PLEKHM3: variants seen among roughly 807,000 people sequenced by gnomAD.
PLEKHM3 encodes pleckstrin homology domain containing M3.
A neutral mutation model predicts 81.8 loss-of-function variants in PLEKHM3; 45 were observed. The observed-to-expected ratio is 0.55, with a 90% CI of 0.43 to 0.71. PLEKHM3 has a LOEUF of 0.71. PLEKHM3 is among the 30% of genes least tolerant of loss of function. PLEKHM3 has a pLI of 0.00. For synonymous variants in PLEKHM3, 352 were observed against 356.4 expected, an observed-to-expected ratio of 0.99 and a Z score of 0.14; for missense variants, 788 against 924.3, an observed-to-expected ratio of 0.85 and a Z score of 1.91.
At chr2:207,874,626 C>G (rs1215513598) in intron 6 of PLEKHM3, among the ~76,000 whole-genome samples, 1 of 151,320 alleles carries the variant, frequency 6.6e-6, no homozygotes. Flanking sequence ...GAATCTTGCT[C>G]TGTCGCCCAG....
At chr2:207,987,536 G>C (rs13422017) in intron 2 of PLEKHM3, among the ~76,000 whole-genome samples, 8,120 of 152,184 alleles carry the variant, frequency 0.053, 704 homozygotes, top group African/African-American at 0.18. Context: ...AGACACATGC[G>C]GACTCAGCGG....
chr2:207,878,267 C>A (rs1217179936), intron 6 of PLEKHM3, among the ~76,000 whole-genome samples: 5 of 151,844 alleles, frequency 3.3e-5, no homozygotes. Flanking sequence ...ATAATACATG[C>A]AAAGCACTTA....
At chr2:207,864,753 T>G (rs2092486654) in intron 6 of PLEKHM3, among the ~76,000 whole-genome samples, 1 of 152,246 alleles carries the variant, frequency 6.6e-6, no homozygotes, top group Admixed American at 6.5e-5. Context: ...CAATGTATAT[T>G]TATTCTTAAA....
chr2:207,863,034 C>T (rs909003976), intron 6 of PLEKHM3, among the ~76,000 whole-genome samples: 11 of 152,088 alleles, frequency 7.2e-5, no homozygotes, highest in African/African-American at 2.7e-4. Flanking sequence ...CCTCCCACCC[C>T]GGTCATTTGC....
Position 207,923,905 on chromosome 2 carries a change from A to ATATATTTTTT in PLEKHM3, c.1886+7020_1886+7021insAAAAAATATA, listed in dbSNP as rs1396762429. Among the ~76,000 whole-genome samples, 109 of 28,314 alleles carry ATATATTTTTT rather than the reference A, an allele frequency of 3.8e-3. 1 individual carries two copies. The highest frequency in any genetic ancestry group is 6.0e-3 in the Non-Finnish European group (93 of 15,512). The allele number at this position is 28,314 out of a possible 152,430, so 18.6% of individuals were successfully genotyped here. A position where few individuals can be genotyped will look rare whatever the true frequency, so the allele number is the denominator to read the frequency against. ...CATATATATATATATATATATATAT[A>ATATATTTTTT]TTTTTTTTTTTTTTTTTTTCTGAGG... is the stretch of plus-strand genomic sequence containing the variant. On this transcript the variant is annotated intron_variant, in intron 5 of 7. Transcript: ENST00000427836.
intron 4 of PLEKHM3, among the ~76,000 whole-genome samples, chr2:207,938,542 A>C (rs1271097065): frequency 6.6e-6 from 1 of 152,222 alleles, no homozygotes; most frequent in African/African-American, 2.4e-5. Flanking sequence ...ATAGGTCTGA[A>C]TTGATCCTCA....
chr2:207,853,880 C>T (rs535705609), intron 7 of PLEKHM3, among the ~76,000 whole-genome samples: 7 of 152,188 alleles, frequency 4.6e-5, no homozygotes, highest in African/African-American at 1.4e-4. Flanking sequence ...GAGCGATTCT[C>T]ATGGCTCAGC....
At chr2:207,870,802 C>T (rs1290889728) in intron 6 of PLEKHM3, among the ~76,000 whole-genome samples, 1 of 152,132 alleles carries the variant, frequency 6.6e-6, no homozygotes, top group Non-Finnish European at 1.5e-5. Flanking sequence ...CTCATCAATC[C>T]TTAAAAATAG....
intron 2 of PLEKHM3, among the ~76,000 whole-genome samples, chr2:208,000,189 C>T (rs905622507): frequency 6.6e-6 from 1 of 152,182 alleles, no homozygotes; most frequent in African/African-American, 2.4e-5. Flanking sequence ...CCTAACCACC[C>T]TCCCCAGCCA....
intron 7 of PLEKHM3, among the ~76,000 whole-genome samples, chr2:207,838,015 G>A (rs973026263): frequency 2.0e-5 from 3 of 151,244 alleles, no homozygotes; most frequent in Admixed American, 6.6e-5. Flanking sequence ...CAGGTGATCC[G>A]CCCGCCTCGG....
intron 6 of PLEKHM3, among the ~76,000 whole-genome samples, chr2:207,880,729 C>T (rs2092584572): frequency 1.0e-5 from 1 of 98,966 alleles, no homozygotes; most frequent in Non-Finnish European, 1.9e-5. Flanking sequence ...TGCCACTGCA[C>T]TCCAGCCTGG....
intron 7 of PLEKHM3, among the ~76,000 whole-genome samples, chr2:207,847,243 A>G (rs2092388896): frequency 6.6e-6 from 1 of 152,220 alleles, no homozygotes. Flanking sequence ...GTCAGCCCTG[A>G]GGTTTTCACA....
intron 3 of PLEKHM3, among the ~76,000 whole-genome samples, chr2:207,963,691 G>A (rs1038209787): frequency 6.6e-6 from 1 of 152,204 alleles, no homozygotes; most frequent in African/African-American, 2.4e-5. Flanking sequence ...TGGAATGTAG[G>A]TAAAGAATTC....
intron 2 of PLEKHM3, among the ~76,000 whole-genome samples, chr2:207,977,915 C>T (rs930814814): frequency 1.3e-5 from 2 of 151,884 alleles, no homozygotes; most frequent in African/African-American, 4.8e-5. Context: ...AGTGAGAGCC[C>T]GTCTCTATAA....
At chr2:207,858,530 T>A (rs1451357492) in intron 7 of PLEKHM3, among the ~76,000 whole-genome samples, 2 of 151,528 alleles carry the variant, frequency 1.3e-5, no homozygotes, top group South Asian at 2.1e-4. Context: ...CAGCCTGGAG[T>A]GCAGTGAGTG....
chr2:207,900,035 A>T (rs1248928837), intron 6 of PLEKHM3: 1 of 152,202 alleles, frequency 6.6e-6, no homozygotes, highest in African/African-American at 2.4e-5. Flanking sequence ...AACGAACAAA[A>T]ACCTAGTGGT....
rs112196119 is a variant in PLEKHM3, at chr2:207,923,561, G to A, written c.1886+7365C>T. On this transcript the variant is annotated intron_variant, in intron 5 of 7. Transcript: ENST00000427836. ...GGTGGAGGTTGCGGTGAGCCGAGAT[G>A]GCACCATTGCACTCCAGCCTGGGTG... Among the ~76,000 whole-genome samples the A allele has an allele frequency of 2.1e-3, 314 of 151,974 alleles. 3 individuals are homozygous for A. The highest frequency in any genetic ancestry group is 7.2e-3 in the African/African-American group (300 of 41,454).
intron 2 of PLEKHM3, among the ~76,000 whole-genome samples, chr2:207,980,097 A>C (rs1462756292): frequency 6.6e-6 from 1 of 152,262 alleles, no homozygotes; most frequent in South Asian, 2.1e-4. Flanking sequence ...ACTTAAAACT[A>C]TGTGTCCCTC....
chr2:207,873,711 C>A (rs1040683863), intron 6 of PLEKHM3, among the ~76,000 whole-genome samples: 2 of 152,226 alleles, frequency 1.3e-5, no homozygotes, highest in African/African-American at 2.4e-5. Context: ...TATCAGTTTT[C>A]CTGAAAACCT....
Sources: gnomAD v4.1 joint callset for allele counts (sites outside exome capture counted in the v4.1 genomes callset) on GRCh38, gnomAD v4.1.1 for gene constraint, MANE v1.5 for transcripts, NCBI Gene and HGNC (gene_info 2026-07-23, HGNC 2026-07-21) for gene names.